The following GPR39 variants were observed in gnomAD, a reference collection of about 807,000 sequenced individuals.
GPR39 encodes the protein G protein-coupled receptor 39, also known as zinc sensing receptor.
GPR39 carries 23 observed loss-of-function variants against 18.4 expected under a neutral mutation model. That is an observed-to-expected ratio of 1.25 (90% CI 0.90 to 1.77). GPR39 has a LOEUF of 1.77. Ranked by LOEUF, GPR39 falls within the 40% of genes most tolerant of loss-of-function variation. The probability of loss-of-function intolerance (pLI) is 0.00; values close to 1 mark genes in which losing one functional copy is unlikely to be tolerated. For missense variants in GPR39, 647 were observed against 602.4 expected (o/e 1.07, Z -0.78); for synonymous variants, 280 against 257.9 (o/e 1.09, Z -0.82).
chr2:132,502,116 G>A (rs546590820), intron 1 of GPR39, among the ~76,000 whole-genome samples: 75 of 152,084 alleles, frequency 4.9e-4, no homozygotes, highest in African/African-American at 1.6e-3. Context: ...TCTATTCATC[G>A]TGCTATTTGT....
At chr2:132,561,393 C>T (rs1419485325) in intron 1 of GPR39, among the ~76,000 whole-genome samples, 1 of 152,196 alleles carries the variant, frequency 6.6e-6, no homozygotes, top group Non-Finnish European at 1.5e-5. Context: ...GGTCCTGGCT[C>T]CTGCCCCCCA....
At chr2:132,630,579 A>G (rs1322949660) in intron 1 of GPR39, among the ~76,000 whole-genome samples, 1 of 152,210 alleles carries the variant, frequency 6.6e-6, no homozygotes, top group Non-Finnish European at 1.5e-5. Flanking sequence ...CAAGGAGGTG[A>G]TGTGAACTCT....
At position 132,487,703 on chromosome 2, in the gene GPR39, G is replaced by GAATAAATA. The variant is rs1681369777; in HGVS notation, c.856+69806_856+69807insATAAATAA. On this transcript the variant is annotated intron_variant, in intron 1 of 1. Transcript: ENST00000329321. ...AGACCTAGCTTTAAAGAAGATTAGTGACCTGAAATAAATCTAAGGAAAGTA... is the reference window on the plus strand; with the variant it reads ...AGACCTAGCTTTAAAGAAGATTAGTGAATAAATAACCTGAAATAAATCTAAGGAAAGTA... Among the ~76,000 whole-genome samples the GAATAAATA allele has an allele frequency of 3.9e-5, 6 of 152,100 alleles. No homozygotes were observed. In the South Asian group the frequency reaches 1.2e-3, roughly 32 times the overall value.
intron 1 of GPR39, among the ~76,000 whole-genome samples, chr2:132,552,796 ATGTG>A (rs59345614): frequency 0.12 from 17,942 of 144,768 alleles, 1,829 homozygotes; most frequent in East Asian, 0.54. Flanking sequence ...ATGTGTATAT[ATGTG>A]TGTGTGTGTG....
At chr2:132,600,611 A>G (rs1681022999) in intron 1 of GPR39, among the ~76,000 whole-genome samples, 1 of 152,182 alleles carries the variant, frequency 6.6e-6, no homozygotes, top group African/African-American at 2.4e-5. Context: ...AATCTAGAGA[A>G]AATAGATAAA....
Position 132,457,917 on chromosome 2 carries a change from G to A in GPR39, c.856+40019G>A, listed in dbSNP as rs563039650. Among the ~76,000 whole-genome samples, 9 of 152,364 alleles carry A rather than the reference G, an allele frequency of 5.9e-5. No homozygotes were observed. The East Asian group carries it at 1.4e-3, about 23-fold the overall frequency. On this transcript the variant is annotated intron_variant, in intron 1 of 1. Transcript: ENST00000329321. Reference sequence around the variant, plus strand: ...CTGCGCTAGCAGTGAGCAAGGCTCCGTGGGTGTGGGACCTGCTGAGCCAGG... The same window carrying A: ...CTGCGCTAGCAGTGAGCAAGGCTCCATGGGTGTGGGACCTGCTGAGCCAGG...
At chr2:132,519,823 A>T (rs1319311437) in intron 1 of GPR39, among the ~76,000 whole-genome samples, 1 of 152,184 alleles carries the variant, frequency 6.6e-6, no homozygotes, top group Admixed American at 6.5e-5. Context: ...TCTCAAAGTA[A>T]ATAGGTAGCT....
At chr2:132,571,406 G>A (rs915215057) in intron 1 of GPR39, among the ~76,000 whole-genome samples, 3 of 152,086 alleles carry the variant, frequency 2.0e-5, no homozygotes, top group South Asian at 2.1e-4. Context: ...TAAAAACTCT[G>A]TAATCCAGGT....
At chr2:132,514,171 T>A (rs748673487) in intron 1 of GPR39, among the ~76,000 whole-genome samples, 2 of 152,180 alleles carry the variant, frequency 1.3e-5, no homozygotes, top group African/African-American at 4.8e-5. Context: ...CTGGTCCATC[T>A]GGCCTTAGGG....
chr2:132,481,849 C>T (rs1681241930), intron 1 of GPR39, among the ~76,000 whole-genome samples: 1 of 152,238 alleles, frequency 6.6e-6, no homozygotes, highest in Non-Finnish European at 1.5e-5. Flanking sequence ...GCTCCAGCCT[C>T]AGCATGCCCT....
chr2:132,558,964 C>G (rs1293916317), intron 1 of GPR39, among the ~76,000 whole-genome samples: 1 of 151,972 alleles, frequency 6.6e-6, no homozygotes. Flanking sequence ...GTGTTAAGCC[C>G]CAAAAGAAAT....
rs116834348 is a variant in GPR39 at position 132,462,654 on chromosome 2, T to C, written c.856+44756T>C. ...CACTCTGGCCTTTGCTGACTTTTCTTTGTGCAGCTGTCTAATAGTATAGAG... is the reference window on the plus strand; with the variant it reads ...CACTCTGGCCTTTGCTGACTTTTCTCTGTGCAGCTGTCTAATAGTATAGAG... On this transcript the variant is annotated intron_variant, in intron 1 of 1. Transcript: ENST00000329321. Among the ~76,000 whole-genome samples, 1,434 of 152,318 alleles carry C rather than the reference T, an allele frequency of 9.4e-3. 23 individuals are homozygous for C. Among genetic ancestry groups the C allele is most frequent in the African/African-American group, 0.032 (1,334 of 41,568 alleles).
At chr2:132,641,154 T>C (rs555558771) in intron 1 of GPR39, among the ~76,000 whole-genome samples, 30 of 152,340 alleles carry the variant, frequency 2.0e-4, no homozygotes, top group South Asian at 6.2e-4. Context: ...TATTCTAGGA[T>C]AGCTAGGCAA....
At chr2:132,625,825 A>G (rs1370007975) in intron 1 of GPR39, among the ~76,000 whole-genome samples, 2 of 152,278 alleles carry the variant, frequency 1.3e-5, no homozygotes, top group East Asian at 3.9e-4. Context: ...ATAAAGAAAC[A>G]AGCCTGGCTG....
intron 1 of GPR39, among the ~76,000 whole-genome samples, chr2:132,557,468 A>G (rs923380165): frequency 9.9e-5 from 15 of 152,222 alleles, no homozygotes; most frequent in African/African-American, 3.6e-4. Flanking sequence ...ATTTTAACAG[A>G]GAGCTTCAGG....
intron 1 of GPR39, among the ~76,000 whole-genome samples, chr2:132,486,550 A>G (rs1001465693): frequency 2.0e-5 from 3 of 152,238 alleles, no homozygotes; most frequent in Admixed American, 6.5e-5. Flanking sequence ...CAACTTCTAC[A>G]TCAGCACTTG....
At chr2:132,432,284 G>A (rs999006821) in intron 1 of GPR39, among the ~76,000 whole-genome samples, 4 of 152,174 alleles carry the variant, frequency 2.6e-5, no homozygotes, top group Non-Finnish European at 5.9e-5. Flanking sequence ...GTCCTCACAT[G>A]GTGGAAGGGG....
chr2:132,588,034 A>G (rs1005578580), intron 1 of GPR39, among the ~76,000 whole-genome samples: 1 of 152,156 alleles, frequency 6.6e-6, no homozygotes, highest in Admixed American at 6.5e-5. Context: ...GGTATAACTC[A>G]TGGAGTATAG....
At chr2:132,594,784 C>T (rs981339593) in intron 1 of GPR39, among the ~76,000 whole-genome samples, 7 of 151,818 alleles carry the variant, frequency 4.6e-5, no homozygotes, top group African/African-American at 1.7e-4. Flanking sequence ...TCCAAATCCA[C>T]CATTTACTAA....
Sources: allele counts gnomAD v4.1 joint callset (sites outside exome capture counted in the v4.1 genomes callset), GRCh38; gene constraint gnomAD v4.1.1; transcripts MANE v1.5; gene names NCBI Gene and HGNC (gene_info 2026-07-23, HGNC 2026-07-21).